POLN: variants seen among roughly 807,000 people sequenced by gnomAD.
POLN encodes DNA polymerase nu, also known as DNA polymerase N.
Under a neutral mutation model 113.5 loss-of-function variants are expected in POLN, and 108 were observed. The ratio of observed to expected loss-of-function variants is 0.95; its 90% CI spans 0.81 to 1.12. The LOEUF is 1.12. POLN is among the 50% of genes most tolerant of loss of function. The probability of loss-of-function intolerance (pLI) is 0.00; values close to 1 mark genes in which losing one functional copy is unlikely to be tolerated. For missense variants in POLN, 1,097 were observed against 1,077.1 expected, an observed-to-expected ratio of 1.02 and a Z score of -0.26; for synonymous variants, 386 against 391.5, an observed-to-expected ratio of 0.99 and a Z score of 0.17.
intron 3 of POLN, among the ~76,000 whole-genome samples, chr4:2,213,779 T>C (rs979172440): frequency 2.0e-5 from 3 of 152,160 alleles, no homozygotes; most frequent in Admixed American, 1.3e-4. Context: ...ATGTAAAATC[T>C]TATTAAATGG....
At chr4:2,207,081 A>C (rs967334959) in intron 5 of POLN, among the ~76,000 whole-genome samples, 3 of 152,246 alleles carry the variant, frequency 2.0e-5, no homozygotes, top group Non-Finnish European at 2.9e-5. Context: ...AAAGTGAATG[A>C]ATTAATGGCA....
chr4:2,155,826 T>C (rs113134767), intron 16 of POLN, among the ~76,000 whole-genome samples: 4 of 152,104 alleles, frequency 2.6e-5, no homozygotes, highest in African/African-American at 4.8e-5. Flanking sequence ...TGGCTTTATT[T>C]TTGTAGAAAA....
chr4:2,149,168 C>T (rs1051443298), intron 16 of POLN, among the ~76,000 whole-genome samples: 3 of 152,106 alleles, frequency 2.0e-5, no homozygotes, highest in Admixed American at 6.5e-5. Flanking sequence ...GTGGTATGCG[C>T]CTGTAGTCCC....
At chr4:2,218,528 T>G (rs559526841) in intron 3 of POLN, among the ~76,000 whole-genome samples, 1 of 152,132 alleles carries the variant, frequency 6.6e-6, no homozygotes, top group Non-Finnish European at 1.5e-5. Context: ...AAAAACTTCA[T>G]GGTTGTGGTG....
intron 7 of POLN, among the ~76,000 whole-genome samples, chr4:2,181,583 G>A (rs1733143650): frequency 6.6e-6 from 1 of 151,910 alleles, no homozygotes; most frequent in Non-Finnish European, 1.5e-5. Flanking sequence ...TGATAAATAT[G>A]ACAAAAAGAT....
intron 20 of POLN, among the ~76,000 whole-genome samples, chr4:2,088,245 A>T (rs1730593131): frequency 6.6e-6 from 1 of 152,230 alleles, no homozygotes; most frequent in Non-Finnish European, 1.5e-5. Context: ...CAGAAAAATA[A>T]TGAAACTAGG....
intron 16 of POLN, among the ~76,000 whole-genome samples, chr4:2,147,659 T>TTTTTTTTTTTTA (rs1732182570): frequency 7.2e-6 from 1 of 138,022 alleles, no homozygotes; most frequent in African/African-American, 2.5e-5. Flanking sequence ...TTTTTTTTTT[T>TTTTTTTTTTTTA]GAGACAAAGT....
Position 2,113,719 on chromosome 4 carries a change from G to A in POLN, c.1982+14394C>T, listed in dbSNP as rs1731252099. Among the ~76,000 whole-genome samples the A allele has an allele frequency of 2.6e-5, 4 of 151,616 alleles. No individual in the cohort carries two copies. The South Asian group carries it at 6.2e-4, about 24-fold the overall frequency. On this transcript the variant is annotated intron_variant, in intron 19 of 25. Transcript: ENST00000511885. The stretch of plus-strand genomic sequence containing the variant: ...CTAAAAATCCAAATATTAGCCAGGC[G>A]TGGTGGTACATGCCTGTAATCCCAG...
chr4:2,113,664 C>T (rs965015072), intron 19 of POLN, among the ~76,000 whole-genome samples: 1 of 151,206 alleles, frequency 6.6e-6, no homozygotes, highest in African/African-American at 2.4e-5. Context: ...TTGAGGCCAG[C>T]CTGGCCAACA....
intron 7 of POLN, among the ~76,000 whole-genome samples, chr4:2,190,293 AAT>A: frequency 6.6e-6 from 1 of 152,106 alleles, no homozygotes; most frequent in African/African-American, 2.4e-5. Flanking sequence ...AGGCTCCAAG[AAT>A]ATATATTGGG....
intron 14 of POLN, among the ~76,000 whole-genome samples, chr4:2,158,386 C>T (rs1026354369): frequency 6.6e-6 from 1 of 152,186 alleles, no homozygotes; most frequent in Non-Finnish European, 1.5e-5. Context: ...CACTGACCCA[C>T]AGAGAAAGAT....
chr4:2,081,564 C>G lies in POLN; in HGVS notation c.2308+69G>C, dbSNP rs35630767. On this transcript the variant is annotated intron_variant, in intron 22 of 25. Coordinates refer to ENST00000511885, the MANE Select transcript of POLN (RefSeq NM_181808.4). ...CGCAACAGTGATCGGTGGGTGCCAC[C>G]CAGCCCTGCGGCTGCTAAAACCCAA... 3.7e-3 allele frequency: 5,509 copies of G among 1,481,322 alleles called. 154 individuals carry two copies. The East Asian group carries it at 0.08, about 22-fold the overall frequency. 91.8% of individuals were successfully genotyped at this position (1,481,322 alleles called of 1,614,324 possible).
At chr4:2,148,983 T>C (rs1732222461) in intron 16 of POLN, among the ~76,000 whole-genome samples, 1 of 151,918 alleles carries the variant, frequency 6.6e-6, no homozygotes, top group East Asian at 1.9e-4. Flanking sequence ...AAACCAAAGG[T>C]GAGGGCTGGG....
At position 2,128,174 on chromosome 4, in the gene POLN, G is replaced by T; in HGVS notation, c.1921C>A (p.Leu641Ile). Reference protein sequence around the residue: ...ILTHLSGDPELLKLFQESERD... With the variant: ...ILTHLSGDPEILKLFQESERD... Reference sequence around the variant, plus strand: ...TCAGATTCCTGGAATAACTTCAGAAGTTCCGGATCTCCAGATAAATGTGTA... The same window carrying T: ...TCAGATTCCTGGAATAACTTCAGAATTTCCGGATCTCCAGATAAATGTGTA... The change falls in exon 19 of 26, where the codon CTT becomes ATT. Residue 641 changes from leucine to isoleucine, a missense_variant. Physicochemically the swap from Leu to Ile is conservative, Grantham distance 5 (BLOSUM62 2). Transcript: ENST00000511885. The T allele has an allele frequency of 6.2e-7, 1 of 1,612,920 alleles. No individual in the cohort carries two copies. The highest frequency in any genetic ancestry group is 1.1e-5 in the South Asian group (1 of 91,048).
At chr4:2,225,814 A>C (rs1462066411) in intron 3 of POLN, among the ~76,000 whole-genome samples, 1 of 151,874 alleles carries the variant, frequency 6.6e-6, no homozygotes, top group East Asian at 1.9e-4. Flanking sequence ...CAGCCTGGGC[A>C]ACATAGCAAG....
At chr4:2,169,675 G>A (rs1242802628) in intron 13 of POLN, among the ~76,000 whole-genome samples, 1 of 152,174 alleles carries the variant, frequency 6.6e-6, no homozygotes, top group Non-Finnish European at 1.5e-5. Flanking sequence ...CAGAGCAGTC[G>A]AGCAATGTTT....
intron 24 of POLN, among the ~76,000 whole-genome samples, chr4:2,074,913 G>A (rs1324866355): frequency 6.6e-6 from 1 of 152,128 alleles, no homozygotes; most frequent in African/African-American, 2.4e-5. Flanking sequence ...GCTGACCGCT[G>A]GGGTGATTCT....
Position 2,179,612 on chromosome 4 carries a change from A to G in POLN, c.1022-147T>C, listed in dbSNP as rs1733083989. ...CTAAGGACCAAAGTGACTTTCCATT[A>G]TTCTCCAGAATTTAGAACCCTTGAT... On this transcript the variant is annotated intron_variant, in intron 7 of 25. Transcript: ENST00000511885. 4 of 865,552 alleles carry G rather than the reference A, an allele frequency of 4.6e-6. No individual in the cohort carries two copies. The South Asian group carries it at 4.9e-5, about 11-fold the overall frequency. The allele number at this position is 865,552 out of a possible 1,614,324, so 53.6% of individuals were successfully genotyped here.
At chr4:2,163,027 C>CAAAAAAAA (rs66769262) in intron 13 of POLN, among the ~76,000 whole-genome samples, 18 of 66,550 alleles carry the variant, frequency 2.7e-4, no homozygotes, top group African/African-American at 7.7e-4. Context: ...CAGTTCCTAC[C>CAAAAAAAA]AAAAAAAAAA....
Sources: gnomAD v4.1 joint callset for allele counts (sites outside exome capture counted in the v4.1 genomes callset) on GRCh38, gnomAD v4.1.1 for gene constraint, MANE v1.5 for transcripts, NCBI Gene and HGNC (gene_info 2026-07-23, HGNC 2026-07-21) for gene names.